ABLIM1: variants seen among roughly 807,000 people sequenced by gnomAD.
The protein encoded by ABLIM1 is actin-binding LIM protein 1.
ABLIM1 carries 40 observed loss-of-function variants against 107.0 expected under a neutral mutation model. The ratio of observed to expected loss-of-function variants is 0.37; its 90% CI spans 0.29 to 0.49. The LOEUF is 0.49. ABLIM1 is among the 20% of genes least tolerant of loss of function. The pLI is 0.97. For missense variants in ABLIM1, 857 were observed against 1,008.5 expected (o/e 0.85, Z 2.04); for synonymous variants, 357 against 357.3 (o/e 1.00, Z 0.01).
intron 8 of ABLIM1, among the ~76,000 whole-genome samples, chr10:114,486,426 A>C (rs2058196115): frequency 6.6e-6 from 1 of 152,208 alleles, no homozygotes; most frequent in Non-Finnish European, 1.5e-5. Context: ...AGCATCCTCA[A>C]GCTATGCTGT....
At chr10:114,520,080 A>C (rs527851191) in intron 6 of ABLIM1, among the ~76,000 whole-genome samples, 1 of 152,320 alleles carries the variant, frequency 6.6e-6, no homozygotes, top group Non-Finnish European at 1.5e-5. Context: ...CTCATGCCTG[A>C]AGACTCCCAC....
At chr10:114,484,043 G>A (rs2057797557) in intron 8 of ABLIM1, among the ~76,000 whole-genome samples, 1 of 152,154 alleles carries the variant, frequency 6.6e-6, no homozygotes, top group Non-Finnish European at 1.5e-5. Context: ...CACTCCATCA[G>A]TGGCCCCCTG....
intron 1 of ABLIM1, among the ~76,000 whole-genome samples, chr10:114,627,687 C>A (rs1047661787): frequency 6.6e-6 from 1 of 152,186 alleles, no homozygotes; most frequent in Non-Finnish European, 1.5e-5. Context: ...CTGAAATGAG[C>A]TGGGAAATAA....
At position 114,519,236 on chromosome 10, in the gene ABLIM1, G is replaced by A. The variant is rs146212451; in HGVS notation, c.894+25769C>T. On this transcript the variant is annotated intron_variant, in intron 6 of 22. Coordinates refer to ENST00000533213, the MANE Select transcript of ABLIM1 (RefSeq NM_002313.7). Reference sequence around the variant, plus strand: ...CCTAGGAAAATCACTCAGGTTTTCTGGGTCTCAGTGTCCTCAACTCTCAGA... The same window carrying A: ...CCTAGGAAAATCACTCAGGTTTTCTAGGTCTCAGTGTCCTCAACTCTCAGA... Among the ~76,000 whole-genome samples, 596 of 152,228 alleles carry A rather than the reference G, an allele frequency of 3.9e-3. 1 individual carries two copies. Among genetic ancestry groups the A allele is most frequent in the African/African-American group, 0.014 (571 of 41,522 alleles).
rs181669651 is a variant in ABLIM1 at position 114,475,735 on chromosome 10, G to A, written c.1042-1779C>T. 8.5e-5 allele frequency among the ~76,000 whole-genome samples: 13 copies of A among 152,342 alleles called. No homozygotes were observed. In the East Asian group the frequency reaches 2.5e-3, roughly 29 times the overall value. On this transcript the variant is annotated intron_variant, in intron 8 of 22. Transcript: ENST00000533213. ...ATAGTATATACCTGAAGAACGTGGA[G>A]AGTGAGAGGTGGTTATGTGAGCAGG...
At chr10:114,471,047 G>C (rs1051038699) in intron 10 of ABLIM1, among the ~76,000 whole-genome samples, 17 of 152,194 alleles carry the variant, frequency 1.1e-4, no homozygotes, top group Middle Eastern at 6.8e-3. Context: ...ATCATTCCTG[G>C]CTAATTTTTG....
chr10:114,776,161 T>C, the ABLIM1 span: 2 of 151,704 alleles, frequency 1.3e-5, no homozygotes, highest in African/African-American at 4.8e-5. Context: ...CCATTTTTGG[T>C]GTGGGTAAAA....
At chr10:114,487,331 C>G (rs2134757016) in intron 8 of ABLIM1, among the ~76,000 whole-genome samples, 1 of 152,226 alleles carries the variant, frequency 6.6e-6, no homozygotes. Flanking sequence ...ACTTCCTAGC[C>G]CGTGTGAAAA....
intron 1 of ABLIM1, among the ~76,000 whole-genome samples, chr10:114,639,018 T>A (rs2078613171): frequency 6.6e-6 from 1 of 152,284 alleles, no homozygotes; most frequent in African/African-American, 2.4e-5. Flanking sequence ...TTAAAAACAA[T>A]TTTTTTGCAA....
chr10:114,766,813 A>G (rs1333737578), intron 1 of ABLIM1, among the ~76,000 whole-genome samples: 1 of 152,224 alleles, frequency 6.6e-6, no homozygotes, highest in Non-Finnish European at 1.5e-5. Context: ...CCATATACAC[A>G]CCAAGTCCCT....
chr10:114,442,222 C>T (rs2060295743), intron 17 of ABLIM1, among the ~76,000 whole-genome samples: 1 of 152,214 alleles, frequency 6.6e-6, no homozygotes, highest in Admixed American at 6.5e-5. Context: ...TATCTGAATA[C>T]ATTAGCCCAT....
chr10:114,602,090 T>G, intron 1 of ABLIM1, 129 bp from the exon 2 acceptor site: 1 of 1,198,442 alleles, frequency 8.3e-7, no homozygotes, highest in South Asian at 1.5e-5. Context: ...AACAGAGCAG[T>G]CCCTCCAAGT....
chr10:114,571,447 A>G, intron 3 of ABLIM1, 41 bp from the exon 4 acceptor site: 1 of 1,578,910 alleles, frequency 6.3e-7, no homozygotes. Flanking sequence ...TATTGCAGCA[A>G]TTTCATTCCT....
At chr10:114,510,537 G>A (rs1017819422) in intron 6 of ABLIM1, among the ~76,000 whole-genome samples, 8 of 151,920 alleles carry the variant, frequency 5.3e-5, no homozygotes, top group Middle Eastern at 3.2e-3. Context: ...TCTAATGGGC[G>A]TTGAACACAT....
At chr10:114,680,348 G>C (rs2080693002) in intron 1 of ABLIM1, among the ~76,000 whole-genome samples, 1 of 152,186 alleles carries the variant, frequency 6.6e-6, no homozygotes, top group African/African-American at 2.4e-5. Flanking sequence ...AGGTGTCCAA[G>C]CTGCCATCTG....
At chr10:114,654,971 G>A (rs1361185054) in intron 1 of ABLIM1, among the ~76,000 whole-genome samples, 1 of 152,120 alleles carries the variant, frequency 6.6e-6, no homozygotes, top group Admixed American at 6.5e-5. Context: ...GAAACAGATT[G>A]AGCTGTTGAC....
chr10:114,686,731 T>C (rs1281009340), upstream of ABLIM1, among the ~76,000 whole-genome samples: 1 of 151,838 alleles, frequency 6.6e-6, no homozygotes, highest in East Asian at 1.9e-4. Flanking sequence ...TAGGTTCAAG[T>C]GATTCTCCTG....
At chr10:114,715,028 G>T (rs1288976211) in intron 1 of ABLIM1, among the ~76,000 whole-genome samples, 2 of 152,018 alleles carry the variant, frequency 1.3e-5, no homozygotes, top group South Asian at 2.1e-4. Flanking sequence ...AAAAATAAAA[G>T]GAAGAAAAGT....
intron 1 of ABLIM1, among the ~76,000 whole-genome samples, chr10:114,651,778 C>T (rs1162001898): frequency 6.6e-6 from 1 of 152,214 alleles, no homozygotes; most frequent in Non-Finnish European, 1.5e-5. Flanking sequence ...GTAGAAGTAA[C>T]TGGCCACCAC....
Sources: allele counts gnomAD v4.1 joint callset (sites outside exome capture counted in the v4.1 genomes callset), GRCh38; gene constraint gnomAD v4.1.1; transcripts MANE v1.5; gene names NCBI Gene and HGNC (gene_info 2026-07-23, HGNC 2026-07-21).